UBE3D: variants seen among roughly 807,000 people sequenced by gnomAD.
The protein encoded by UBE3D is ubiquitin protein ligase E3D.
In UBE3D, 48 loss-of-function variants were observed where a neutral mutation model predicts 49.6. The ratio of observed to expected loss-of-function variants is 0.97; its 90% confidence interval spans 0.77 to 1.23. The LOEUF is 1.23. Ranked by LOEUF, UBE3D falls within the 50% of genes most tolerant of loss-of-function variation. UBE3D has a pLI of 0.00. For synonymous variants in UBE3D, 189 were observed against 174.2 expected (o/e 1.08, Z -0.67); for missense variants, 452 against 468.4 (o/e 0.96, Z 0.32).
chr6:82,978,838 T>G (rs1265168962), intron 8 of UBE3D, among the ~76,000 whole-genome samples: 1 of 152,204 alleles, frequency 6.6e-6, no homozygotes, highest in South Asian at 2.1e-4. Flanking sequence ...CCTCAGAGCC[T>G]AGGATGCAAA....
chr6:83,061,554 G>A (rs1784168575), intron 1 of UBE3D, among the ~76,000 whole-genome samples: 1 of 152,174 alleles, frequency 6.6e-6, no homozygotes, highest in Non-Finnish European at 1.5e-5. Flanking sequence ...ACTATCCAAT[G>A]ACTTCATCTC....
chr6:83,049,670 C>T (rs1267264645), intron 3 of UBE3D: 5 of 413,466 alleles, frequency 1.2e-5, no homozygotes, highest in African/African-American at 8.3e-5. Context: ...GGTCTCAACG[C>T]CCTCATGAGA....
intron 1 of UBE3D, among the ~76,000 whole-genome samples, chr6:83,061,139 A>C (rs190746151): frequency 6.6e-6 from 1 of 152,334 alleles, no homozygotes; most frequent in East Asian, 1.9e-4. Context: ...AAAGATGCAA[A>C]ATCTGAATCT....
chr6:82,925,603 A>G (rs543453234), intron 9 of UBE3D, among the ~76,000 whole-genome samples: 1 of 152,258 alleles, frequency 6.6e-6, no homozygotes, highest in East Asian at 1.9e-4. Context: ...TCACCTGTGT[A>G]AATAATGTAG....
At chr6:83,060,485 T>C (rs1352929849) in intron 1 of UBE3D, among the ~76,000 whole-genome samples, 2 of 152,206 alleles carry the variant, frequency 1.3e-5, no homozygotes, top group Non-Finnish European at 2.9e-5. Flanking sequence ...TGTATGTACA[T>C]AGGTATGTAG....
chr6:82,922,708 T>C (rs561121901), intron 9 of UBE3D, among the ~76,000 whole-genome samples: 118 of 151,914 alleles, frequency 7.8e-4, no homozygotes, highest in African/African-American at 2.7e-3. Flanking sequence ...AAGCCAAGAT[T>C]GACAAATGGG....
intron 9 of UBE3D, among the ~76,000 whole-genome samples, chr6:82,922,235 A>C (rs1773399976): frequency 6.6e-6 from 1 of 152,248 alleles, no homozygotes; most frequent in South Asian, 2.1e-4. Context: ...GAATCATCTT[A>C]AACATTTAAA....
intron 9 of UBE3D, among the ~76,000 whole-genome samples, chr6:82,897,407 A>G (rs1230269463): frequency 6.6e-6 from 1 of 152,060 alleles, no homozygotes. Flanking sequence ...CCTGGCCAAC[A>G]TGGTAAAATC....
chr6:82,977,257 C>T (rs192569109), intron 8 of UBE3D, among the ~76,000 whole-genome samples: 1 of 151,512 alleles, frequency 6.6e-6, no homozygotes, highest in East Asian at 2.0e-4. Flanking sequence ...TCACCATGAT[C>T]TCTATCAGAT....
At chr6:82,889,466 G>C (rs1272382208), downstream of UBE3D, among the ~76,000 whole-genome samples, 1 of 152,122 alleles carries the variant, frequency 6.6e-6, no homozygotes, top group Non-Finnish European at 1.5e-5. Context: ...GTGGATCCTT[G>C]TTTAGTCAAG....
intron 8 of UBE3D, among the ~76,000 whole-genome samples, chr6:83,014,751 C>T (rs766135127): frequency 3.3e-5 from 5 of 152,148 alleles, no homozygotes; most frequent in African/African-American, 4.8e-5. Flanking sequence ...CATAAATTGT[C>T]AGTAGTGTAG....
intron 8 of UBE3D, among the ~76,000 whole-genome samples, chr6:82,967,550 A>T (rs1295198044): frequency 6.6e-6 from 1 of 152,202 alleles, no homozygotes; most frequent in African/African-American, 2.4e-5. Context: ...AGAATGTTAC[A>T]TAAGTAGAAT....
At chr6:82,895,319 GAA>G (rs1554179919) in intron 9 of UBE3D, among the ~76,000 whole-genome samples, 4 of 151,838 alleles carry the variant, frequency 2.6e-5, no homozygotes, top group Admixed American at 2.6e-4. Context: ...TCAAAAAGAA[GAA>G]AAAAAGAAAA....
At chr6:82,896,466 T>C (rs1771326387) in intron 9 of UBE3D, among the ~76,000 whole-genome samples, 1 of 152,210 alleles carries the variant, frequency 6.6e-6, no homozygotes, top group African/African-American at 2.4e-5. Flanking sequence ...TTTAGTTCTG[T>C]ACACCTGAAT....
At chr6:83,036,711 T>C (rs990972538) in intron 5 of UBE3D, 4 of 151,884 alleles carry the variant, frequency 2.6e-5, no homozygotes, top group African/African-American at 9.7e-5. Context: ...GATGAGTGAA[T>C]ATAAGCTCTC....
intron 5 of UBE3D, chr6:83,036,585 T>C (rs1782274274): frequency 6.6e-6 from 1 of 152,226 alleles, no homozygotes; most frequent in Non-Finnish European, 1.5e-5. Context: ...GGTTTCTTTT[T>C]TGTTGATTTA....
chr6:83,021,404 T>C (rs1781079415), intron 7 of UBE3D, among the ~76,000 whole-genome samples: 1 of 151,996 alleles, frequency 6.6e-6, no homozygotes, highest in African/African-American at 2.4e-5. Context: ...ATCATGCCAT[T>C]GCACTCCAGC....
intron 9 of UBE3D, among the ~76,000 whole-genome samples, chr6:82,931,238 G>A (rs1774125876): frequency 6.6e-6 from 1 of 152,240 alleles, no homozygotes; most frequent in Non-Finnish European, 1.5e-5. Context: ...GAAGTGCCTG[G>A]AAATCCAGGC....
chr6:82,911,791 C>T (rs573656746), intron 9 of UBE3D, among the ~76,000 whole-genome samples: 3 of 152,276 alleles, frequency 2.0e-5, no homozygotes, highest in South Asian at 2.1e-4. Flanking sequence ...AACATTTACA[C>T]TGATAATTTT....
Sources: gnomAD v4.1 joint callset for allele counts (sites outside exome capture counted in the v4.1 genomes callset) on GRCh38, gnomAD v4.1.1 for gene constraint, MANE v1.5 for transcripts, NCBI Gene and HGNC (gene_info 2026-07-23, HGNC 2026-07-21) for gene names.